UGCG: variants seen among roughly 807,000 people sequenced by gnomAD.
UGCG encodes ceramide glucosyltransferase.
A neutral mutation model predicts 49.5 loss-of-function variants in UGCG; 10 were observed. That is an observed-to-expected ratio of 0.20 (90% CI 0.12 to 0.34). UGCG has a LOEUF of 0.34. Among genes scored for constraint, UGCG ranks in the 10% least tolerant of loss-of-function variants. The pLI is 1.00. For missense variants in UGCG, 312 were observed against 483.7 expected (o/e 0.65, Z 3.33); for synonymous variants, 182 against 158.2 (o/e 1.15, Z -1.13).
At chr9:111,909,381 T>A (rs1420030727) in intron 1 of UGCG, among the ~76,000 whole-genome samples, 1 of 152,232 alleles carries the variant, frequency 6.6e-6, no homozygotes, top group Admixed American at 6.5e-5. Context: ...CATCTCAAAC[T>A]CTTTCATGAT....
At chr9:111,925,581 C>T (rs1398421609) in intron 4 of UGCG, among the ~76,000 whole-genome samples, 1 of 152,202 alleles carries the variant, frequency 6.6e-6, no homozygotes, top group Non-Finnish European at 1.5e-5. Flanking sequence ...CGGATGTCCC[C>T]TGTGGGGCAG....
chr9:111,912,980 T>C (rs1838043601), intron 1 of UGCG, among the ~76,000 whole-genome samples: 1 of 152,144 alleles, frequency 6.6e-6, no homozygotes, highest in African/African-American at 2.4e-5. Flanking sequence ...CACACCTGCC[T>C]TAGTTAGAGA....
intron 5 of UGCG, among the ~76,000 whole-genome samples, chr9:111,927,159 C>T (rs1016261697): frequency 6.6e-6 from 1 of 152,144 alleles, no homozygotes; most frequent in Non-Finnish European, 1.5e-5. Context: ...GCATGAGCCA[C>T]TGCGCCCAGC....
At chr9:111,915,957 T>C (rs1277673940) in intron 2 of UGCG, 3 of 269,646 alleles carry the variant, frequency 1.1e-5, no homozygotes, top group Non-Finnish European at 1.7e-5. Flanking sequence ...AAAAAAATTA[T>C]ATGTTCTAGT....
intron 7 of UGCG, 117 bp from the exon 8 acceptor site, chr9:111,932,049 AGTTT>A: frequency 2.7e-6 from 3 of 1,095,598 alleles, no homozygotes; most frequent in Non-Finnish European, 2.6e-6. Flanking sequence ...AAACAAAAAA[AGTTT>A]AAAGAGAATG....
At chr9:111,912,358 A>G (rs897362323) in intron 1 of UGCG, among the ~76,000 whole-genome samples, 2 of 152,010 alleles carry the variant, frequency 1.3e-5, no homozygotes, top group Non-Finnish European at 2.9e-5. Context: ...CGGGCAGATC[A>G]CTTAAGATGA....
At chr9:111,912,243 T>C (rs2118529994) in intron 1 of UGCG, among the ~76,000 whole-genome samples, 1 of 152,012 alleles carries the variant, frequency 6.6e-6, no homozygotes, top group Admixed American at 6.6e-5. Context: ...TGTAGAGCAA[T>C]ATTTTCCAAA....
At position 111,912,706 on chromosome 9, in the gene UGCG, G is replaced by A. The variant is rs536371822; in HGVS notation, c.99-1899G>A. 2.2e-3 allele frequency among the ~76,000 whole-genome samples: 335 copies of A among 152,174 alleles called. 2 individuals are homozygous for A. The highest frequency in any genetic ancestry group is 7.7e-3 in the African/African-American group (321 of 41,524). The stretch of plus-strand genomic sequence containing the variant: ...TAAATTGCTATACAAGTTTCTAAAA[G>A]GTTTCACTCAATTGTTTCTCACTTG... On this transcript the variant is annotated intron_variant, in intron 1 of 8. Coordinates refer to ENST00000374279, the MANE Select transcript of UGCG (RefSeq NM_003358.3).
intron 1 of UGCG, among the ~76,000 whole-genome samples, chr9:111,901,898 C>T (rs1307749273): frequency 6.6e-6 from 1 of 152,148 alleles, no homozygotes; most frequent in Non-Finnish European, 1.5e-5. Context: ...TTATTGTAGC[C>T]TTTATCCTTC....
At chr9:111,923,482 T>C (rs868218200) in intron 3 of UGCG, among the ~76,000 whole-genome samples, 5 of 152,128 alleles carry the variant, frequency 3.3e-5, no homozygotes, top group African/African-American at 1.2e-4. Context: ...TTTTATTAGC[T>C]TAAAATGCAA....
At chr9:111,913,172 G>A (rs1052180547) in intron 1 of UGCG, among the ~76,000 whole-genome samples, 3 of 152,236 alleles carry the variant, frequency 2.0e-5, no homozygotes, top group Non-Finnish European at 4.4e-5. Flanking sequence ...GGCAGCAATT[G>A]TAAGGTACCA....
intron 1 of UGCG, among the ~76,000 whole-genome samples, chr9:111,899,935 C>T (rs1218558262): frequency 6.6e-6 from 1 of 152,070 alleles, no homozygotes; most frequent in Non-Finnish European, 1.5e-5. Context: ...TGTTTCAAAG[C>T]TTCTATTGCC....
chr9:111,907,749 C>T (rs10981152), intron 1 of UGCG, among the ~76,000 whole-genome samples: 16,085 of 151,810 alleles, frequency 0.11, 1,091 homozygotes, highest in Middle Eastern at 0.18. Flanking sequence ...CTCAGCCTCC[C>T]GAGTAGCTGG....
chr9:111,923,457 G>T (rs967695236), intron 3 of UGCG, among the ~76,000 whole-genome samples: 2 of 151,840 alleles, frequency 1.3e-5, no homozygotes, highest in African/African-American at 4.8e-5. Context: ...TGAAGATCGG[G>T]CAATGATTTA....
chr9:111,906,672 C>T (rs1025635751), intron 1 of UGCG, among the ~76,000 whole-genome samples: 3 of 152,052 alleles, frequency 2.0e-5, no homozygotes, highest in African/African-American at 7.3e-5. Context: ...TCAGGTGATC[C>T]ACCTGCCTCA....
chr9:111,913,415 G>A (rs1330727701), intron 1 of UGCG, among the ~76,000 whole-genome samples: 2 of 151,998 alleles, frequency 1.3e-5, no homozygotes, highest in East Asian at 1.9e-4. Flanking sequence ...ACTGGGGCAC[G>A]TTCTGTCTTC....
chr9:111,924,925 T>G, intron 4 of UGCG, 47 bp downstream of exon 4: 2 of 1,172,562 alleles, frequency 1.7e-6, no homozygotes, highest in Non-Finnish European at 2.3e-6. Context: ...AATTTGAAGA[T>G]AAAATGCTAA....
At chr9:111,914,956 G>T (rs1342151456) in intron 2 of UGCG, 1 of 554,064 alleles carries the variant, frequency 1.8e-6, no homozygotes, top group Non-Finnish European at 2.9e-6. Context: ...CCACCTATAT[G>T]TCCGTGTGAA....
intron 2 of UGCG, among the ~76,000 whole-genome samples, chr9:111,921,462 C>T (rs1838220085): frequency 1.3e-5 from 2 of 151,828 alleles, no homozygotes; most frequent in African/African-American, 4.8e-5. Context: ...CCAGCCCGGC[C>T]AATGAAACTC....
Sources: allele counts gnomAD v4.1 joint callset (sites outside exome capture counted in the v4.1 genomes callset), GRCh38; gene constraint gnomAD v4.1.1; transcripts MANE v1.5; gene names NCBI Gene and HGNC (gene_info 2026-07-23, HGNC 2026-07-21).